Variants in AOPEP observed in about 807,000 individuals in gnomAD.
AOPEP encodes the protein aminopeptidase O.
In AOPEP, 77 loss-of-function variants were observed where a neutral mutation model predicts 98.1. That is an observed-to-expected ratio of 0.78 (90% confidence interval 0.65 to 0.95). The LOEUF (loss-of-function observed/expected upper bound fraction) is 0.95, where lower values mean the gene tolerates loss of function less well. Among genes scored for constraint, AOPEP ranks in the 40% least tolerant of loss-of-function variants. The pLI is 0.00. For missense variants in AOPEP, 1,024 were observed against 1,024.7 expected (o/e 1.00, Z 0.01); for synonymous variants, 346 against 365.3 (o/e 0.95, Z 0.60).
intron 13 of AOPEP, among the ~76,000 whole-genome samples, chr9:95,041,480 T>TGTGTGTGG (rs372293404): frequency 3.4e-5 from 5 of 146,888 alleles, no homozygotes; most frequent in African/African-American, 7.4e-5. Flanking sequence ...TGTGTGTGTG[T>TGTGTGTGG]GGAGAGGGAG....
At chr9:94,741,660 A>G (rs1833158054) in intron 1 of AOPEP, among the ~76,000 whole-genome samples, 1 of 152,030 alleles carries the variant, frequency 6.6e-6, no homozygotes, top group Non-Finnish European at 1.5e-5. Flanking sequence ...TATAGAGAGG[A>G]GAGACTTGGA....
chr9:95,009,674 C>T (rs914112991), intron 13 of AOPEP, among the ~76,000 whole-genome samples: 2 of 152,162 alleles, frequency 1.3e-5, no homozygotes, highest in African/African-American at 4.8e-5. Flanking sequence ...GGATTAGTCA[C>T]AACAAACATG....
the AOPEP span, among the ~76,000 whole-genome samples, chr9:95,142,811 C>T: frequency 1.3e-5 from 2 of 152,164 alleles, no homozygotes; most frequent in East Asian, 3.8e-4. Context: ...CAGTCACTCC[C>T]ACTACTTAGA....
At position 94,959,791 on chromosome 9, in the gene AOPEP, C is replaced by CTG. The variant is rs556255524; in HGVS notation, c.1872+3780_1872+3781dup. ...TTATACATGATATATATACATGTAT[C>CTG]TGTGTATGTATGTATATATGGCATA... is the stretch of plus-strand genomic sequence containing the variant. On this transcript the variant is annotated intron_variant, in intron 9 of 16. Coordinates refer to ENST00000375315, the MANE Select transcript of AOPEP (RefSeq NM_001193329.3). Among the ~76,000 whole-genome samples the CTG allele has an allele frequency of 2.0e-5, 3 of 152,052 alleles. No individual in the cohort carries two copies. In the South Asian group the frequency reaches 6.2e-4, roughly 32 times the overall value.
Position 94,760,641 on chromosome 9 carries a change from T to A in AOPEP, c.797+61T>A, listed in dbSNP as rs1838051440. On this transcript the variant is annotated intron_variant, in intron 2 of 16. Transcript: ENST00000375315. ...TTAATCTTGTACGCTGCGGGGATGC[T>A]TTCAAACATGAGACCGGCTCTGCAG... 3.7e-6 allele frequency: 5 copies of A among 1,358,244 alleles called. No individual in the cohort carries two copies. In the South Asian group the frequency reaches 5.9e-5, roughly 16 times the overall value. The allele number at this position is 1,358,244 out of a possible 1,614,324, so 84.1% of individuals were successfully genotyped here. A position where few individuals can be genotyped will look rare whatever the true frequency, so the allele number is the denominator to read the frequency against.
intron 5 of AOPEP, among the ~76,000 whole-genome samples, chr9:94,811,589 GC>G (rs1850597276): frequency 6.6e-6 from 1 of 152,102 alleles, no homozygotes; most frequent in African/African-American, 2.4e-5. Context: ...ATATCTCCTT[GC>G]AGAGCTGTAA....
At chr9:94,791,739 A>G (rs745955437) in intron 3 of AOPEP, among the ~76,000 whole-genome samples, 8 of 152,100 alleles carry the variant, frequency 5.3e-5, no homozygotes, top group Non-Finnish European at 8.8e-5. Context: ...TAACAAAATA[A>G]TCTATACACT....
chr9:94,734,848 A>G (rs1045212525), intron 1 of AOPEP, among the ~76,000 whole-genome samples: 1 of 152,232 alleles, frequency 6.6e-6, no homozygotes, highest in East Asian at 1.9e-4. Flanking sequence ...ATGGCAGGGA[A>G]TGCTGTTTCA....
chr9:94,781,140 A>G (rs2133143277), intron 3 of AOPEP, among the ~76,000 whole-genome samples: 1 of 152,098 alleles, frequency 6.6e-6, no homozygotes, highest in East Asian at 1.9e-4. Flanking sequence ...ATTTAGATTA[A>G]CTTGCTTGGC....
intron 3 of AOPEP, among the ~76,000 whole-genome samples, chr9:94,779,941 T>G (rs1842921918): frequency 6.6e-6 from 1 of 152,222 alleles, no homozygotes; most frequent in Non-Finnish European, 1.5e-5. Context: ...TCATTATCTC[T>G]TGATAATTAT....
intron 2 of AOPEP, among the ~76,000 whole-genome samples, chr9:94,769,129 TG>T (rs1564100100): frequency 6.6e-6 from 1 of 152,190 alleles, no homozygotes; most frequent in East Asian, 1.9e-4. Flanking sequence ...CACTATGTAG[TG>T]GGTATGATTT....
chr9:95,104,953 G>A, the AOPEP span, among the ~76,000 whole-genome samples: 2 of 152,162 alleles, frequency 1.3e-5, no homozygotes, highest in East Asian at 1.9e-4. Flanking sequence ...TTTGTCTCTC[G>A]CGTCTGGCTT....
chr9:95,141,252 C>T, the AOPEP span, among the ~76,000 whole-genome samples: 1 of 122,096 alleles, frequency 8.2e-6, no homozygotes, highest in East Asian at 2.6e-4. Context: ...GTCGAGGCTA[C>T]AGTGAGACAT....
the AOPEP span, among the ~76,000 whole-genome samples, chr9:95,097,900 G>A: frequency 4.6e-5 from 7 of 152,154 alleles, no homozygotes; most frequent in Non-Finnish European, 8.8e-5. Context: ...ATGGCTTAGC[G>A]ATGATTAATG....
rs373299528 is a variant in AOPEP at position 94,738,385 on chromosome 9, A to G, written c.-136+11634A>G. On this transcript the variant is annotated intron_variant, in intron 1 of 16. Coordinates refer to ENST00000375315, the MANE Select transcript of AOPEP (RefSeq NM_001193329.3). ...TCTCCTGGCCTTCCACTCTCTGAAT[A>G]TGTCCCTGCCTTGTTCCTGGCCTCT... 9.9e-5 allele frequency among the ~76,000 whole-genome samples: 15 copies of G among 152,130 alleles called. No individual in the cohort carries two copies. In the East Asian group the frequency reaches 1.5e-3, roughly 16 times the overall value.
chr9:95,070,677 TG>T (rs1163776488), intron 14 of AOPEP, among the ~76,000 whole-genome samples: 1 of 152,258 alleles, frequency 6.6e-6, no homozygotes, highest in African/African-American at 2.4e-5. Context: ...CAGACTTGCA[TG>T]ATGCTGTAAA....
chr9:95,083,466 GAGCACACGC>G (rs2070125212), intron 16 of AOPEP, among the ~76,000 whole-genome samples: 1 of 135,342 alleles, frequency 7.4e-6, no homozygotes. Flanking sequence ...GCACCACACA[GAGCACACGC>G]GGCACACGCA....
chr9:94,812,895 C>T (rs1295648292), intron 5 of AOPEP, among the ~76,000 whole-genome samples: 1 of 152,092 alleles, frequency 6.6e-6, no homozygotes, highest in African/African-American at 2.4e-5. Context: ...GAAGCTGAAG[C>T]ACCAAATATA....
the AOPEP span, among the ~76,000 whole-genome samples, chr9:95,106,064 A>G: frequency 6.6e-5 from 10 of 152,266 alleles, no homozygotes; most frequent in African/African-American, 2.4e-4. Context: ...CAGTAGCTGC[A>G]CGACGTTAAT....
Sources: gnomAD v4.1 joint callset for allele counts (sites outside exome capture counted in the v4.1 genomes callset) on GRCh38, gnomAD v4.1.1 for gene constraint, MANE v1.5 for transcripts, NCBI Gene and HGNC (gene_info 2026-07-23, HGNC 2026-07-21) for gene names.